Variants in MYO18A observed in about 807,000 individuals in gnomAD.
MYO18A encodes the protein myosin XVIIIA, also known as unconventional myosin-XVIIIa.
A neutral mutation model predicts 235.8 loss-of-function variants in MYO18A; 78 were observed. The ratio of observed to expected loss-of-function variants is 0.33; its 90% CI spans 0.28 to 0.40. The LOEUF is 0.40. Among genes scored for constraint, MYO18A ranks in the 10% least tolerant of loss-of-function variants. MYO18A has a pLI of 1.00. For missense variants in MYO18A, 2,215 were observed against 2,699.3 expected, an observed-to-expected ratio of 0.82 and a Z score of 3.98; for synonymous variants, 977 against 1,077.8, an observed-to-expected ratio of 0.91 and a Z score of 1.83.
In MYO18A at chr17:29,166,745, T is replaced by C. The variant is rs756426039; in HGVS notation, c.196A>G (p.Ile66Val). Residue 66 changes from isoleucine (I) to valine (V), a missense_variant, in exon 2 of 42, where the codon ATC becomes GTC. Ile to Val is a conservative substitution (Grantham distance 29, BLOSUM62 3). Coordinates refer to ENST00000527372, the MANE Select transcript of MYO18A (RefSeq NM_078471.4). ...GAGCCGCTGGCCACCTTGATGGGGA[T>C]GGGGTTGGAGATTTCCAGGCGCGTC... is the stretch of plus-strand genomic sequence containing the variant. ...SKTRLEISNP[I>V]PIKVASGSDL... is the part of the protein sequence containing the mutation. 6 of 1,613,810 alleles carry C rather than the reference T, an allele frequency of 3.7e-6. No homozygotes were observed. The East Asian group carries it at 8.9e-5, about 24-fold the overall frequency.
At chr17:29,130,518 ACACACACAC>A (rs2067445598) in intron 2 of MYO18A, among the ~76,000 whole-genome samples, 1 of 132,390 alleles carries the variant, frequency 7.6e-6, no homozygotes, top group South Asian at 2.5e-4. Context: ...ACACACACAC[ACACACACAC>A]AACCCTTTCA....
At chr17:29,110,664 C>T (rs770343698) in intron 17 of MYO18A, 42 bp from the exon 18 acceptor site, 32 of 1,567,060 alleles carry the variant, frequency 2.0e-5, no homozygotes, top group African/African-American at 5.4e-5. Context: ...GCAGTCACAT[C>T]GATGGAGCGG....
intron 37 of MYO18A, among the ~76,000 whole-genome samples, chr17:29,087,563 A>T (rs981059158): frequency 2.6e-5 from 4 of 152,144 alleles, no homozygotes; most frequent in Non-Finnish European, 4.4e-5. Flanking sequence ...GGAGTTCTGA[A>T]TTAGGAGAGA....
In MYO18A at chr17:29,074,232, C is replaced by T. The variant is rs755752656; in HGVS notation, c.*538G>A. ...TCGTTCTTGGGAGCCCCAGCTACCA[C>T]TACAGCCCCCTCCCACTCTCAGGGA... On this transcript the variant is annotated 3_prime_UTR_variant, in exon 42 of 42. Transcript: ENST00000527372. The surrounding 1 kb of genome is among the most constrained non-coding windows in gnomAD (Gnocchi z 4.4). 2 of 1,542,378 alleles carry T rather than the reference C, an allele frequency of 1.3e-6. No individual in the cohort carries two copies. The highest frequency in any genetic ancestry group is 1.2e-5 in the South Asian group (1 of 81,164).
At chr17:29,128,289 G>T in intron 2 of MYO18A, 1 of 1,194,908 alleles carries the variant, frequency 8.4e-7, no homozygotes, top group South Asian at 1.5e-5. Context: ...CCTCTGCCTG[G>T]GGTCTCCTTG....
At chr17:29,094,555 G>C (rs2066475840) in intron 30 of MYO18A, 95 bp downstream of exon 30, 4 of 1,247,724 alleles carry the variant, frequency 3.2e-6, no homozygotes, top group Non-Finnish European at 4.6e-6. Context: ...CGAATGAATG[G>C]AGGCAGGATC....
intron 41 of MYO18A, 87 bp downstream of exon 41, chr17:29,082,229 G>C (rs1057249383): frequency 3.2e-6 from 5 of 1,559,260 alleles, no homozygotes; most frequent in East Asian, 2.3e-5. Flanking sequence ...AGAGACACAG[G>C]CCTGCCCTCA....
At chr17:29,169,427 C>T (rs907446732) in intron 1 of MYO18A, among the ~76,000 whole-genome samples, 8 of 152,148 alleles carry the variant, frequency 5.3e-5, no homozygotes, top group Admixed American at 2.6e-4. Context: ...CCAAAAGGCA[C>T]ACAGCCAGGG....
At chr17:29,098,684 C>T in intron 23 of MYO18A, 142 bp downstream of exon 23, 1 of 1,259,442 alleles carries the variant, frequency 7.9e-7, no homozygotes, top group Non-Finnish European at 1.1e-6. Context: ...AGCCAGCACC[C>T]CAGAGGGACA....
intron 2 of MYO18A, among the ~76,000 whole-genome samples, chr17:29,163,186 C>T (rs749885030): frequency 2.6e-5 from 4 of 152,160 alleles, no homozygotes; most frequent in South Asian, 2.1e-4. Flanking sequence ...CTTCTCTTGG[C>T]GCATAACTGG....
At chr17:29,103,140 T>C (rs1837851924) in intron 21 of MYO18A, among the ~76,000 whole-genome samples, 1 of 152,232 alleles carries the variant, frequency 6.6e-6, no homozygotes, top group Non-Finnish European at 1.5e-5. Context: ...CAGGTGGTGG[T>C]GGCACAGCCT....
At chr17:29,157,664 A>G (rs1236251964) in intron 2 of MYO18A, among the ~76,000 whole-genome samples, 2 of 152,236 alleles carry the variant, frequency 1.3e-5, no homozygotes, top group Admixed American at 6.5e-5. Flanking sequence ...AGAAAATTAA[A>G]TAAGTGAATA....
chr17:29,161,514 A>AG (rs1312296102), intron 2 of MYO18A, among the ~76,000 whole-genome samples: 2 of 151,984 alleles, frequency 1.3e-5, no homozygotes, highest in African/African-American at 4.8e-5. Flanking sequence ...TCTCAAAAAA[A>AG]AAAAAAAAAG....
At chr17:29,086,339 G>A (rs2066253162) in intron 39 of MYO18A, 99 bp downstream of exon 39, 1 of 1,364,448 alleles carries the variant, frequency 7.3e-7, no homozygotes, top group South Asian at 1.3e-5. Flanking sequence ...TGCTCATGGG[G>A]AGGCAGAGGT....
Position 29,106,610 on chromosome 17 carries a change from AC to A in MYO18A, c.3441+469del, listed in dbSNP as rs148538482. ...GGGCAGGGACACCCCTTCCGCAGCC[AC>A]AAGTTCACCAACCAGGGCCGGCAAA... On this transcript the variant is annotated intron_variant, in intron 20 of 41. Transcript: ENST00000527372. The surrounding 1 kb of genome is among the most constrained non-coding windows in gnomAD (Gnocchi z 4.6). 2.2e-3 allele frequency among the ~76,000 whole-genome samples: 330 copies of A among 152,280 alleles called. 1 individual carries two copies. Among genetic ancestry groups the A allele is most frequent in the African/African-American group, 7.3e-3 (304 of 41,562 alleles).
At chr17:29,090,313 A>C (rs79090615) in intron 36 of MYO18A, among the ~76,000 whole-genome samples, 3,501 of 152,318 alleles carry the variant, frequency 0.023, 117 homozygotes, top group African/African-American at 0.079. Flanking sequence ...GAGAAAGCTA[A>C]GGATCGGAGA....
chr17:29,088,052 CTTT>C (rs1040172315), intron 37 of MYO18A, among the ~76,000 whole-genome samples: 6 of 124,642 alleles, frequency 4.8e-5, no homozygotes, highest in South Asian at 5.1e-4. Context: ...AAAATAAATT[CTTT>C]TTTTTTTTTT....
At position 29,074,854 on chromosome 17, in the gene MYO18A, G is replaced by A. The variant is rs200001601; in HGVS notation, c.6081C>T (p.Leu2027=). Reference sequence around the variant, plus strand: ...AGTATCGCGGTCTGGAGGTGTTGTCGAGAGGGTCGTGCTCATCATCTGACC... The same window carrying A: ...AGTATCGCGGTCTGGAGGTGTTGTCAAGAGGGTCGTGCTCATCATCTGACC... ...PDRSDDEHDP[L]DNTSRPRYSH... The change falls in exon 42 of 42, where the codon CTC becomes CTT. Residue 2027 remains leucine, a synonymous_variant. Transcript: ENST00000527372. This position sits in a 1 kb window ranked among gnomAD's most constrained non-coding sequence, Gnocchi z 4.4. 8.4e-5 allele frequency: 135 copies of A among 1,613,890 alleles called. No individual in the cohort carries two copies. The African/African-American group carries it at 1.2e-3, about 14-fold the overall frequency.
chr17:29,165,890 G>T (rs1278075655), intron 2 of MYO18A, 52 bp downstream of exon 2: 3 of 1,526,252 alleles, frequency 2.0e-6, no homozygotes, highest in African/African-American at 1.4e-5. Flanking sequence ...CAAGCAGGAG[G>T]TGCCCACATT....
Sources: gnomAD v4.1 joint callset for allele counts (sites outside exome capture counted in the v4.1 genomes callset) on GRCh38, gnomAD v4.1.1 for gene constraint, Gnocchi (gnomAD v3.1) non-coding constraint, MANE v1.5 for transcripts, NCBI Gene and HGNC (gene_info 2026-07-23, HGNC 2026-07-21) for gene names.